WARS1: variants seen among roughly 807,000 people sequenced by gnomAD.
The protein encoded by WARS1 is tryptophanyl-tRNA synthetase 1.
WARS1 carries 17 observed loss-of-function variants against 47.8 expected under a neutral mutation model. The ratio of observed to expected loss-of-function variants is 0.36; its 90% confidence interval spans 0.24 to 0.53. WARS1 has a LOEUF of 0.53. WARS1 is among the 20% of genes least tolerant of loss of function. The probability of loss-of-function intolerance (pLI) is 0.91; values close to 1 mark genes in which losing one functional copy is unlikely to be tolerated. For synonymous variants in WARS1, 208 were observed against 228.1 expected (o/e 0.91, Z 0.79); for missense variants, 434 against 608.0 (o/e 0.71, Z 3.01).
chr14:100,342,178 C>G, intron 9 of WARS1: 1 of 626,728 alleles, frequency 1.6e-6, no homozygotes, highest in Non-Finnish European at 2.8e-6. Context: ...AAAATTTTAC[C>G]TAAATGAAAG....
chr14:100,359,019 CAAGAGTGGGTG>C (rs1285062536), intron 4 of WARS1, among the ~76,000 whole-genome samples: 1 of 152,112 alleles, frequency 6.6e-6, no homozygotes, highest in Non-Finnish European at 1.5e-5. Flanking sequence ...TGGAAAATAA[CAAGAGTGGGTG>C]AAGATGTGGA....
chr14:100,348,153 C>T (rs139485658), intron 6 of WARS1, among the ~76,000 whole-genome samples: 2,392 of 152,290 alleles, frequency 0.016, 22 homozygotes, highest in Middle Eastern at 0.051. Flanking sequence ...GCTGGGATCC[C>T]AACACAGATT....
intron 9 of WARS1, among the ~76,000 whole-genome samples, chr14:100,338,152 A>G (rs559249919): frequency 2.0e-5 from 3 of 152,322 alleles, no homozygotes; most frequent in East Asian, 1.9e-4. Context: ...CAGAAACACA[A>G]TGACTTTTAG....
chr14:100,344,728 C>T (rs1426647935), intron 7 of WARS1, among the ~76,000 whole-genome samples: 1 of 149,628 alleles, frequency 6.7e-6, no homozygotes, highest in Non-Finnish European at 1.5e-5. Context: ...AGCGCCTCTG[C>T]CCCGCCGCCC....
chr14:100,368,941 A>G, intron 2 of WARS1, 146 bp downstream of exon 2: 1 of 441,050 alleles, frequency 2.3e-6, no homozygotes, highest in Non-Finnish European at 3.6e-6. Flanking sequence ...AGCCTGGGAA[A>G]CAAGAGTGAA....
chr14:100,365,151 A>ACACACACT (rs1895884138), intron 2 of WARS1, among the ~76,000 whole-genome samples: 1 of 151,922 alleles, frequency 6.6e-6, no homozygotes, highest in Non-Finnish European at 1.5e-5. Context: ...ACACACACAC[A>ACACACACT]CACACACACA....
chr14:100,339,128 C>T (rs11624811), intron 9 of WARS1, among the ~76,000 whole-genome samples: 93,210 of 138,618 alleles, frequency 0.67, 30,684 homozygotes, highest in South Asian at 0.81. Flanking sequence ...CACACATACA[C>T]ACACACACAC....
intron 6 of WARS1, among the ~76,000 whole-genome samples, chr14:100,350,004 C>T (rs1894864471): frequency 6.6e-6 from 1 of 152,222 alleles, no homozygotes; most frequent in African/African-American, 2.4e-5. Flanking sequence ...TGTCTCTCCT[C>T]ACTTTAGGTT....
In WARS1 at chr14:100,335,409, C is replaced by T. The variant is rs558504194; in HGVS notation, c.1255-373G>A. Among the ~76,000 whole-genome samples the T allele has an allele frequency of 6.0e-5, 9 of 150,968 alleles. No homozygotes were observed. In the East Asian group the frequency reaches 9.7e-4, roughly 16 times the overall value. ...TTTTTTTTTTTTTGAGATGGAGTCTCACTCTGTTGCCAGGTTGGAGTGCAG... is the reference window on the plus strand; with the variant it reads ...TTTTTTTTTTTTTGAGATGGAGTCTTACTCTGTTGCCAGGTTGGAGTGCAG... On this transcript the variant is annotated intron_variant, in intron 10 of 10. Coordinates refer to ENST00000392882, the MANE Select transcript of WARS1 (RefSeq NM_004184.4).
intron 6 of WARS1, among the ~76,000 whole-genome samples, chr14:100,348,735 C>T (rs1286378970): frequency 6.6e-6 from 1 of 152,188 alleles, no homozygotes; most frequent in African/African-American, 2.4e-5. Context: ...GGGATTGAGG[C>T]ACCTGGGACA....
rs77842113 is a variant in WARS1, at chr14:100,341,811, G to A, written c.1113+587C>T. 6.1e-3 allele frequency among the ~76,000 whole-genome samples: 926 copies of A among 152,308 alleles called. 12 individuals carry two copies. The highest frequency in any genetic ancestry group is 0.021 in the African/African-American group (872 of 41,560). Reference sequence around the variant, plus strand: ...ATGTCTCTCAGTGAGAACGCTCTCTGGGAGAAGACCAGCTCATAACCCCTG... The same window carrying A: ...ATGTCTCTCAGTGAGAACGCTCTCTAGGAGAAGACCAGCTCATAACCCCTG... On this transcript the variant is annotated intron_variant, in intron 9 of 10. Transcript: ENST00000392882.
At chr14:100,340,892 T>C (rs901082553) in intron 9 of WARS1, among the ~76,000 whole-genome samples, 3 of 151,266 alleles carry the variant, frequency 2.0e-5, no homozygotes, top group Non-Finnish European at 2.9e-5. Flanking sequence ...CCCAGATCCA[T>C]AAACAAGTTT....
intron 2 of WARS1, among the ~76,000 whole-genome samples, chr14:100,363,118 G>A (rs983645179): frequency 5.9e-5 from 9 of 152,236 alleles, no homozygotes; most frequent in East Asian, 1.9e-4. Flanking sequence ...AGTTTAGTAC[G>A]TATAATCTAT....
intron 1 of WARS1, among the ~76,000 whole-genome samples, chr14:100,372,719 C>T (rs1334154291): frequency 3.3e-5 from 5 of 152,160 alleles, no homozygotes; most frequent in Non-Finnish European, 7.3e-5. Flanking sequence ...CTGAATTCTC[C>T]CAACTCTCAA....
chr14:100,371,667 A>T (rs965525796), intron 1 of WARS1, among the ~76,000 whole-genome samples: 2 of 152,036 alleles, frequency 1.3e-5, no homozygotes, highest in South Asian at 4.1e-4. Flanking sequence ...CCTGGGAGGC[A>T]GAGGTTGCAG....
At chr14:100,358,575 C>T (rs932842122) in intron 4 of WARS1, among the ~76,000 whole-genome samples, 3 of 152,190 alleles carry the variant, frequency 2.0e-5, no homozygotes, top group Non-Finnish European at 4.4e-5. Flanking sequence ...AACCACAAAA[C>T]TCTGAGAAGA....
intron 10 of WARS1, among the ~76,000 whole-genome samples, chr14:100,336,085 A>C (rs768752569): frequency 1.3e-4 from 19 of 151,840 alleles, no homozygotes; most frequent in Non-Finnish European, 1.5e-5. Flanking sequence ...ACCATCTTGA[A>C]TAAGACGGTA....
At position 100,354,583 on chromosome 14, in the gene WARS1, A is replaced by G. The variant is rs1371267369; in HGVS notation, c.423-17T>C. ...TTCATATCTCTAAAGGAAAAAGGAG[A>G]AGAGGAAGAGTGTGATTTTCTGAGA... is the stretch of plus-strand genomic sequence containing the variant. On this transcript the variant is annotated splice_polypyrimidine_tract_variant and intron_variant, in intron 4 of 10. Coordinates refer to ENST00000392882, the MANE Select transcript of WARS1 (RefSeq NM_004184.4). The G allele has an allele frequency of 6.3e-7, 1 of 1,591,350 alleles. No individual in the cohort carries two copies. Among genetic ancestry groups the G allele is most frequent in the Middle Eastern group, 1.7e-4 (1 of 5,962 alleles).
chr14:100,354,500 G>A lies in WARS1; in HGVS notation c.489C>T (p.Gly163=). ...KKPFYLYTGR[G]PSSEAMHVGH... is the part of the protein sequence containing the mutation. Reference sequence around the variant, plus strand: ...CTACATGCATTGCTTCAGAAGAGGGGCCCCGGCCCGTGTACAGATAAAATG... The same window carrying A: ...CTACATGCATTGCTTCAGAAGAGGGACCCCGGCCCGTGTACAGATAAAATG... Residue 163 remains glycine, a synonymous_variant, in exon 5 of 11, where the codon GGC becomes GGT. Transcript: ENST00000392882. 6.2e-7 allele frequency: 1 copy of A among 1,614,184 alleles called. No individual in the cohort carries two copies. The highest frequency in any genetic ancestry group is 2.2e-5 in the East Asian group (1 of 44,888).
Sources: gnomAD v4.1 joint callset for allele counts (sites outside exome capture counted in the v4.1 genomes callset) on GRCh38, gnomAD v4.1.1 for gene constraint, MANE v1.5 for transcripts, NCBI Gene and HGNC (gene_info 2026-07-23, HGNC 2026-07-21) for gene names.